Variants in DCAF8L2 observed in about 807,000 individuals in gnomAD.
DCAF8L2 encodes DDB1 and CUL4 associated factor 8 like 2.
For missense variants in DCAF8L2, 430 were observed against 490.7 expected (o/e 0.88, Z 1.17); for synonymous variants, 200 against 190.9 (o/e 1.05, Z -0.39).
chrX:27,573,870 T>TC, the DCAF8L2 span, among the ~76,000 whole-genome samples: 42 of 109,481 alleles, frequency 3.8e-4, no homozygotes, highest in Admixed American at 8.8e-4. Context: ...TCTCTCTTTT[T>TC]TTTTTTTATA....
chrX:27,556,033 A>G, the DCAF8L2 span, among the ~76,000 whole-genome samples: 10,515 of 110,180 alleles, frequency 0.095, 395 homozygotes, highest in Non-Finnish European at 0.12. Flanking sequence ...TCTGGCCCGG[A>G]GAGACAAGTG....
chrX:27,561,570 C>G, the DCAF8L2 span, among the ~76,000 whole-genome samples: 1 of 110,795 alleles, frequency 9.0e-6, no homozygotes, highest in Non-Finnish European at 1.9e-5. Flanking sequence ...TGAAAGAAAC[C>G]CATACCCATT....
At chrX:27,525,667 C>A in the DCAF8L2 span, among the ~76,000 whole-genome samples, 92 of 111,495 alleles carry the variant, frequency 8.3e-4, 1 homozygote, top group African/African-American at 2.7e-3. Flanking sequence ...TGGCTGATAC[C>A]AGTTTTTCCT....
At chrX:27,564,616 T>C in the DCAF8L2 span, among the ~76,000 whole-genome samples, 1 of 110,255 alleles carries the variant, frequency 9.1e-6, no homozygotes, top group Non-Finnish European at 1.9e-5. Flanking sequence ...ATAGACCATG[T>C]AAAATGTATT....
At chrX:27,601,219 A>C (rs895619785) in intron 1 of DCAF8L2, among the ~76,000 whole-genome samples, 3 of 112,239 alleles carry the variant, frequency 2.7e-5, no homozygotes, top group African/African-American at 9.7e-5. Context: ...AAATGGATTG[A>C]ACACAGTGAA....
chrX:27,707,084 G>A (rs756428293), intron 3 of DCAF8L2, among the ~76,000 whole-genome samples: 4 of 111,268 alleles, frequency 3.6e-5, no homozygotes, highest in Non-Finnish European at 7.5e-5. Context: ...ATAGGCAAGT[G>A]AGTAGAGCCA....
the DCAF8L2 span, among the ~76,000 whole-genome samples, chrX:27,543,736 C>CT: frequency 9.0e-6 from 1 of 111,339 alleles, no homozygotes; most frequent in Non-Finnish European, 1.9e-5. Context: ...GCTCTGGTGT[C>CT]TATGACCTGC....
At chrX:27,644,855 A>G (rs934905987) in intron 2 of DCAF8L2, among the ~76,000 whole-genome samples, 1 of 111,840 alleles carries the variant, frequency 8.9e-6, no homozygotes, top group Non-Finnish European at 1.9e-5. Flanking sequence ...CCCAGGTTCA[A>G]GCGATTCTCC....
chrX:27,526,345 G>A, the DCAF8L2 span, among the ~76,000 whole-genome samples: 2 of 111,934 alleles, frequency 1.8e-5, no homozygotes, highest in African/African-American at 6.5e-5. Flanking sequence ...TATTCATCAC[G>A]TAGTTCTCGT....
chrX:27,614,377 A>G (rs948147709), intron 1 of DCAF8L2, among the ~76,000 whole-genome samples: 3 of 109,589 alleles, frequency 2.7e-5, no homozygotes, highest in Non-Finnish European at 5.7e-5. Flanking sequence ...CGGTCTATCA[A>G]TTTTGTTGAT....
At chrX:27,701,442 C>G (rs1314140920) in intron 3 of DCAF8L2, among the ~76,000 whole-genome samples, 1 of 111,123 alleles carries the variant, frequency 9.0e-6, no homozygotes, top group African/African-American at 3.3e-5. Flanking sequence ...CAAGCATACA[C>G]TGAAGGATAA....
Position 27,747,324 on chromosome X carries a change from G to GGAGGAGGAA in DCAF8L2, c.434_435insGGAAGAGGA (p.Glu145_Glu147dup), listed in dbSNP as rs1922274540. Reference sequence around the variant, plus strand: ...AGGAGGAGGAGGAGGAGGAGGAGGAGGAGGAAGAAGAACAGCCTCGGGCGG... The same window carrying GGAGGAGGAA: ...AGGAGGAGGAGGAGGAGGAGGAGGAGGAGGAGGAAGAGGAAGAAGAACAGCCTCGGGCGG... On this transcript the variant is annotated inframe_insertion, in exon 5 of 5. Transcript: ENST00000451261. The GGAGGAGGAA allele has an allele frequency of 3.7e-6, 4 of 1,076,698 alleles. No homozygotes were observed. Among genetic ancestry groups the GGAGGAGGAA allele is most frequent in the South Asian group, 2.1e-5 (1 of 46,631 alleles). 88.7% of individuals were successfully genotyped at this position (1,076,698 alleles called of 1,213,427 possible).
At chrX:27,559,903 C>T in the DCAF8L2 span, among the ~76,000 whole-genome samples, 5 of 111,403 alleles carry the variant, frequency 4.5e-5, no homozygotes, top group African/African-American at 1.6e-4. Flanking sequence ...GACCATCAGC[C>T]AGACTATTTG....
At chrX:27,614,622 A>C (rs369644936) in intron 1 of DCAF8L2, among the ~76,000 whole-genome samples, 1 of 111,660 alleles carries the variant, frequency 9.0e-6, no homozygotes, top group Admixed American at 9.5e-5. Flanking sequence ...ACACTGCTTT[A>C]AATGTGTCCC....
intron 4 of DCAF8L2, among the ~76,000 whole-genome samples, chrX:27,743,441 A>G (rs975082941): frequency 6.3e-5 from 7 of 111,017 alleles, no homozygotes; most frequent in African/African-American, 2.3e-4. Flanking sequence ...TCCGTCACCC[A>G]GTCTGGAGTG....
intron 3 of DCAF8L2, among the ~76,000 whole-genome samples, chrX:27,690,470 T>C (rs1200739795): frequency 9.0e-6 from 1 of 111,550 alleles, no homozygotes; most frequent in Non-Finnish European, 1.9e-5. Flanking sequence ...TTTCAAAGTG[T>C]AGAAAGAGAT....
the DCAF8L2 span, among the ~76,000 whole-genome samples, chrX:27,528,928 T>C: frequency 1.6e-4 from 18 of 111,906 alleles, no homozygotes; most frequent in South Asian, 6.7e-3. Flanking sequence ...TAATTTCTGA[T>C]CCTGTAGTAG....
intron 1 of DCAF8L2, among the ~76,000 whole-genome samples, chrX:27,610,283 T>C (rs1180844301): frequency 2.7e-5 from 3 of 110,982 alleles, no homozygotes; most frequent in African/African-American, 9.8e-5. Context: ...GATTCGAAAC[T>C]ACATTAATAA....
chrX:27,574,833 C>A, the DCAF8L2 span, among the ~76,000 whole-genome samples: 1 of 111,040 alleles, frequency 9.0e-6, no homozygotes, highest in African/African-American at 3.3e-5. Context: ...GAGGCTCCGA[C>A]CTCACGGCAA....
Sources: allele counts gnomAD v4.1 joint callset (sites outside exome capture counted in the v4.1 genomes callset), GRCh38; gene constraint gnomAD v4.1.1; transcripts MANE v1.5; gene names NCBI Gene and HGNC (gene_info 2026-07-23, HGNC 2026-07-21).